LY9: variants seen among roughly 807,000 people sequenced by gnomAD.
The protein encoded by LY9 is T-lymphocyte surface antigen Ly-9.
A neutral mutation model predicts 64.6 loss-of-function variants in LY9; 59 were observed. The ratio of observed to expected loss-of-function variants is 0.91; its 90% CI spans 0.74 to 1.13. The LOEUF is 1.13. Among genes scored for constraint, LY9 ranks in the 50% most tolerant of loss-of-function variants. The pLI, the probability that LY9 is intolerant of heterozygous loss-of-function variation, is 0.00. For synonymous variants in LY9, 281 were observed against 308.5 expected, an observed-to-expected ratio of 0.91 and a Z score of 0.93; for missense variants, 789 against 797.2, an observed-to-expected ratio of 0.99 and a Z score of 0.12.
chr1:160,822,562 T>C (rs1032704011), intron 7 of LY9, among the ~76,000 whole-genome samples: 7 of 152,204 alleles, frequency 4.6e-5, no homozygotes, highest in Non-Finnish European at 8.8e-5. Context: ...TGCTCTTTGT[T>C]AGAAAATGAT....
rs752392812 is a variant in LY9 at position 160,813,620 on chromosome 1, G to A, written c.455-16G>A. ...CAAAAGGATCTGAGCATCTTCCCAT[G>A]CTGTTGTCCCTGCAGAGCAGCTGCA... On this transcript the variant is annotated splice_polypyrimidine_tract_variant and intron_variant, in intron 2 of 9. Coordinates refer to ENST00000263285, the MANE Select transcript of LY9 (RefSeq NM_002348.4). The A allele has an allele frequency of 6.2e-7, 1 of 1,608,096 alleles. No individual in the cohort carries two copies. Among genetic ancestry groups the A allele is most frequent in the African/African-American group, 1.3e-5 (1 of 74,830 alleles).
intron 9 of LY9, among the ~76,000 whole-genome samples, chr1:160,825,448 A>G (rs1668799714): frequency 6.6e-6 from 1 of 152,224 alleles, no homozygotes; most frequent in Non-Finnish European, 1.5e-5. Flanking sequence ...TTCCAGTATT[A>G]AGAACCATGA....
intron 2 of LY9, among the ~76,000 whole-genome samples, chr1:160,805,371 C>G (rs977581473): frequency 6.6e-6 from 1 of 151,762 alleles, no homozygotes; most frequent in Non-Finnish European, 1.5e-5. Context: ...TGGTCAGGAG[C>G]ATGTTGTTTA....
At chr1:160,821,813 G>A (rs1460794967) in intron 7 of LY9, among the ~76,000 whole-genome samples, 2 of 152,192 alleles carry the variant, frequency 1.3e-5, no homozygotes, top group Non-Finnish European at 1.5e-5. Flanking sequence ...AAGAGAAAGA[G>A]GGGCCAGCCG....
Position 160,814,027 on chromosome 1 carries a change from G to C in LY9, c.730+116G>C, listed in dbSNP as rs2101799185. 3 of 1,108,772 alleles carry C rather than the reference G, an allele frequency of 2.7e-6. No individual in the cohort carries two copies. The South Asian group carries it at 4.5e-5, about 17-fold the overall frequency. The allele number at this position is 1,108,772 out of a possible 1,614,324, so 68.7% of individuals were successfully genotyped here. A position where few individuals can be genotyped will look rare whatever the true frequency, so the allele number is the denominator to read the frequency against. ...AGGGGGTGGGGAAGCAAGAGGACAG[G>C]CCCCAAAACCCCTTATTCTCTACTC... is the stretch of plus-strand genomic sequence containing the variant. On this transcript the variant is annotated intron_variant, in intron 3 of 9. Coordinates refer to ENST00000263285, the MANE Select transcript of LY9 (RefSeq NM_002348.4).
intron 5 of LY9, among the ~76,000 whole-genome samples, chr1:160,817,553 G>C (rs1254711704): frequency 6.6e-6 from 1 of 152,196 alleles, no homozygotes; most frequent in Non-Finnish European, 1.5e-5. Flanking sequence ...GCGTGAGTGG[G>C]AGCTAGAAAA....
chr1:160,817,579 C>A (rs1668056646), intron 5 of LY9, among the ~76,000 whole-genome samples: 1 of 152,148 alleles, frequency 6.6e-6, no homozygotes, highest in Non-Finnish European at 1.5e-5. Flanking sequence ...CCCAGTGGCC[C>A]TTAATAAATG....
At chr1:160,802,642 A>C in intron 2 of LY9, 2 of 985,518 alleles carry the variant, frequency 2.0e-6, no homozygotes, top group Non-Finnish European at 2.4e-6. Context: ...CAATTTGGTG[A>C]AAATGCTGCT....
intron 2 of LY9, among the ~76,000 whole-genome samples, chr1:160,809,360 A>AC (rs1236007447): frequency 7.8e-5 from 11 of 140,926 alleles, no homozygotes; most frequent in Non-Finnish European, 1.4e-4. Context: ...TATTATTATT[A>AC]TTACTACTAC....
At chr1:160,811,429 T>C (rs1304307288) in intron 2 of LY9, 1 of 152,230 alleles carries the variant, frequency 6.6e-6, no homozygotes, top group Non-Finnish European at 1.5e-5. Context: ...TTTCGCAATA[T>C]GAATAGGTGA....
chr1:160,796,948 G>C (rs895705070), intron 1 of LY9, among the ~76,000 whole-genome samples: 1 of 152,182 alleles, frequency 6.6e-6, no homozygotes, highest in Non-Finnish European at 1.5e-5. Flanking sequence ...GGGATGGAGA[G>C]AACTTCTGGA....
chr1:160,812,548 C>A (rs1042429730), intron 2 of LY9: 11 of 152,080 alleles, frequency 7.2e-5, no homozygotes, highest in African/African-American at 2.7e-4. Flanking sequence ...AAATGACGTA[C>A]AATAATTTCC....
At position 160,800,016 on chromosome 1, in the gene LY9, A is replaced by C; in HGVS notation, c.388A>C (p.Lys130Gln). ...GACTCTGAATGATGCAGGATCCTAC[A>C]AAGCCCAGATAAACCAAAGGAATTT... The part of the protein sequence containing the change: ...NLTLNDAGSY[K>Q]AQINQRNFEV... Residue 130 changes from lysine (K) to glutamine (Q), a missense_variant, in exon 2 of 10, where the codon AAA becomes CAA. By Grantham distance (53) the Lys-to-Gln change is moderately conservative. Transcript: ENST00000263285. 3 of 1,614,226 alleles carry C rather than the reference A, an allele frequency of 1.9e-6. No individual in the cohort carries two copies. The highest frequency in any genetic ancestry group is 4.5e-5 in the East Asian group (2 of 44,888).
At chr1:160,814,809 C>T in intron 4 of LY9, 48 bp downstream of exon 4, 1 of 1,485,940 alleles carries the variant, frequency 6.7e-7, no homozygotes, top group South Asian at 1.2e-5. Context: ...TCTCTGAAAG[C>T]TTTCTCCTCT....
chr1:160,818,782 A>G (rs560721546), intron 6 of LY9, among the ~76,000 whole-genome samples: 11 of 152,288 alleles, frequency 7.2e-5, no homozygotes, highest in African/African-American at 2.6e-4. Flanking sequence ...AGACCCACAC[A>G]TACTAACAGC....
chr1:160,824,417 T>G, intron 9 of LY9, 168 bp downstream of exon 9: 2 of 985,400 alleles, frequency 2.0e-6, no homozygotes, highest in Non-Finnish European at 2.4e-6. Flanking sequence ...TAAACAAATA[T>G]TCCTGACATC....
At chr1:160,813,519 G>A (rs1238916275) in intron 2 of LY9, 117 bp from the exon 3 acceptor site, 4 of 968,280 alleles carry the variant, frequency 4.1e-6, no homozygotes, top group Non-Finnish European at 6.1e-6. Flanking sequence ...CCCTGCGACA[G>A]GTAACGCTGG....
intron 2 of LY9, chr1:160,802,336 G>T: frequency 1.0e-6 from 1 of 988,652 alleles, no homozygotes; most frequent in Non-Finnish European, 1.2e-6. Context: ...CTGCAGGCGC[G>T]GGAGGCCATC....
chr1:160,812,566 A>G (rs1222686119), intron 2 of LY9: 1 of 152,224 alleles, frequency 6.6e-6, no homozygotes, highest in Non-Finnish European at 1.5e-5. Flanking sequence ...TCCAAGATAT[A>G]TTGTTAATTT....
Sources: gnomAD v4.1 joint callset for allele counts (sites outside exome capture counted in the v4.1 genomes callset) on GRCh38, gnomAD v4.1.1 for gene constraint, MANE v1.5 for transcripts, NCBI Gene and HGNC (gene_info 2026-07-23, HGNC 2026-07-21) for gene names.